SBF2: variants seen among roughly 807,000 people sequenced by gnomAD.
SBF2 encodes myotubularin-related protein 13.
Under a neutral mutation model 225.2 loss-of-function variants are expected in SBF2, and 112 were observed. The ratio of observed to expected loss-of-function variants is 0.50; its 90% CI spans 0.43 to 0.58. The LOEUF is 0.58. Ranked by LOEUF, SBF2 falls within the 20% of genes least tolerant of loss-of-function variation. The probability of loss-of-function intolerance (pLI) is 0.00; values close to 1 mark genes in which losing one functional copy is unlikely to be tolerated. For synonymous variants in SBF2, 763 were observed against 773.3 expected (o/e 0.99, Z 0.22); for missense variants, 1,996 against 2,206.2 (o/e 0.90, Z 1.91).
chr11:10,268,113 T>C (rs926825831), intron 1 of SBF2, among the ~76,000 whole-genome samples: 3 of 152,232 alleles, frequency 2.0e-5, no homozygotes, highest in African/African-American at 7.2e-5. Context: ...CTTTCCACTG[T>C]GAATTAATTT....
intron 32 of SBF2, among the ~76,000 whole-genome samples, chr11:9,807,422 C>T (rs1215279123): frequency 6.6e-6 from 1 of 152,192 alleles, no homozygotes; most frequent in East Asian, 1.9e-4. Flanking sequence ...CATCAATTTG[C>T]TTAGGATAAT....
intron 17 of SBF2, among the ~76,000 whole-genome samples, chr11:9,892,629 G>A (rs1480863470): frequency 1.3e-5 from 2 of 151,258 alleles, no homozygotes; most frequent in Non-Finnish European, 2.9e-5. Flanking sequence ...GTGCGCTCTC[G>A]GTTCATGGCA....
chr11:10,021,349 T>A (rs1208527846), intron 6 of SBF2, among the ~76,000 whole-genome samples: 7 of 152,138 alleles, frequency 4.6e-5, no homozygotes, highest in Admixed American at 2.0e-4. Context: ...TTCCTGTGAA[T>A]ACAAACTTAT....
chr11:9,984,348 G>A (rs1039526403), intron 13 of SBF2, among the ~76,000 whole-genome samples: 4 of 152,062 alleles, frequency 2.6e-5, no homozygotes, highest in African/African-American at 9.7e-5. Flanking sequence ...TGGAAGACAA[G>A]GTCTTTGAAT....
intron 6 of SBF2, among the ~76,000 whole-genome samples, chr11:10,015,978 T>C (rs1948633579): frequency 6.6e-6 from 1 of 152,098 alleles, no homozygotes; most frequent in African/African-American, 2.4e-5. Flanking sequence ...GGTCCCACCT[T>C]GTTGTCCAGG....
intron 32 of SBF2, among the ~76,000 whole-genome samples, chr11:9,799,008 T>C (rs891943346): frequency 2.7e-5 from 4 of 150,370 alleles, no homozygotes; most frequent in African/African-American, 9.8e-5. Flanking sequence ...AGCCTCAAAA[T>C]AACATTTCTC....
Position 9,844,823 on chromosome 11 carries a change from G to A in SBF2, c.3110+742C>T, listed in dbSNP as rs765109649. On this transcript the variant is annotated intron_variant, in intron 24 of 39. Transcript: ENST00000256190. ...TTAAAACCTAGATGATGGATTGATG[G>A]CTGCAGCACACCACCATGGCACATG... Among the ~76,000 whole-genome samples, 145 of 152,186 alleles carry A rather than the reference G, an allele frequency of 9.5e-4. 1 individual carries two copies. Among genetic ancestry groups the A allele is most frequent in the Non-Finnish European group, 1.1e-3 (77 of 68,010 alleles).
At chr11:9,931,325 T>C (rs1864484190) in intron 16 of SBF2, among the ~76,000 whole-genome samples, 1 of 152,194 alleles carries the variant, frequency 6.6e-6, no homozygotes, top group Admixed American at 6.5e-5. Context: ...GACCCCTGTG[T>C]AGTCTAACTG....
intron 1 of SBF2, among the ~76,000 whole-genome samples, chr11:10,232,203 T>G (rs1259094532): frequency 6.6e-6 from 1 of 152,232 alleles, no homozygotes; most frequent in Non-Finnish European, 1.5e-5. Context: ...AGGTGCCGTC[T>G]GTCACCCCTT....
chr11:9,860,259 C>G, intron 17 of SBF2, among the ~76,000 whole-genome samples: 1 of 122,196 alleles, frequency 8.2e-6, no homozygotes. Flanking sequence ...TATTTTGAAA[C>G]AGTTTTTTTT....
chr11:10,078,941 T>C (rs1172663055), intron 2 of SBF2, among the ~76,000 whole-genome samples: 1 of 152,088 alleles, frequency 6.6e-6, no homozygotes, highest in Non-Finnish European at 1.5e-5. Context: ...TCCACCAAAC[T>C]GAGGCTATTT....
intron 17 of SBF2, among the ~76,000 whole-genome samples, chr11:9,882,591 A>C (rs531321350): frequency 1.3e-5 from 2 of 151,948 alleles, no homozygotes; most frequent in Non-Finnish European, 2.9e-5. Context: ...GGCGGATCAC[A>C]AAGTCAGGAG....
intron 1 of SBF2, among the ~76,000 whole-genome samples, chr11:10,242,658 T>C (rs929625910): frequency 1.3e-5 from 2 of 152,026 alleles, no homozygotes; most frequent in Non-Finnish European, 2.9e-5. Context: ...GGGTATTTCA[T>C]ACAAATGGTA....
intron 16 of SBF2, among the ~76,000 whole-genome samples, chr11:9,943,941 C>A (rs1865425102): frequency 6.6e-6 from 1 of 152,168 alleles, no homozygotes; most frequent in African/African-American, 2.4e-5. Context: ...ATGGTCATTA[C>A]AACACTGTGT....
At chr11:10,140,809 T>C (rs188748468) in intron 2 of SBF2, among the ~76,000 whole-genome samples, 66 of 152,172 alleles carry the variant, frequency 4.3e-4, no homozygotes, top group Non-Finnish European at 3.2e-4. Context: ...ACCATCAGAA[T>C]TGCATTGAAC....
intron 12 of SBF2, among the ~76,000 whole-genome samples, chr11:9,990,339 T>C (rs938421874): frequency 1.3e-5 from 2 of 152,200 alleles, no homozygotes; most frequent in Non-Finnish European, 1.5e-5. Context: ...ATTCTTTTCA[T>C]TCTAAGACAT....
chr11:10,218,727 A>G (rs1483884398), intron 1 of SBF2, among the ~76,000 whole-genome samples: 1 of 152,172 alleles, frequency 6.6e-6, no homozygotes, highest in East Asian at 1.9e-4. Context: ...ACACCATTCT[A>G]AATGTGAGAA....
intron 16 of SBF2, among the ~76,000 whole-genome samples, chr11:9,904,279 C>A (rs1021205547): frequency 6.6e-5 from 10 of 151,720 alleles, no homozygotes; most frequent in African/African-American, 2.4e-4. Flanking sequence ...AGGCAAATAC[C>A]AAAAGAAGTT....
At chr11:9,920,200 G>GTA (rs1863496899) in intron 16 of SBF2, among the ~76,000 whole-genome samples, 2 of 144,510 alleles carry the variant, frequency 1.4e-5, no homozygotes, top group African/African-American at 2.5e-5. Context: ...GTGTGTGTGT[G>GTA]TGTGTATATA....
Sources: gnomAD v4.1 joint callset for allele counts (sites outside exome capture counted in the v4.1 genomes callset) on GRCh38, gnomAD v4.1.1 for gene constraint, MANE v1.5 for transcripts, NCBI Gene and HGNC (gene_info 2026-07-23, HGNC 2026-07-21) for gene names.